The following DOCK4 variants were observed in gnomAD, a reference collection of about 807,000 sequenced individuals.
DOCK4 encodes dedicator of cytokinesis 4, also known as dedicator of cytokinesis protein 4.
Under a neutral mutation model 268.1 loss-of-function variants are expected in DOCK4, and 97 were observed. That is an observed-to-expected ratio of 0.36 (90% CI 0.31 to 0.43). The LOEUF is 0.43. Among genes scored for constraint, DOCK4 ranks in the 20% least tolerant of loss-of-function variants. The pLI is 1.00. For synonymous variants in DOCK4, 954 were observed against 887.2 expected, an observed-to-expected ratio of 1.08 and a Z score of -1.34; for missense variants, 2,145 against 2,455.7, an observed-to-expected ratio of 0.87 and a Z score of 2.67.
intron 1 of DOCK4, among the ~76,000 whole-genome samples, chr7:112,101,845 CTTTT>C (rs72188849): frequency 1.6e-4 from 24 of 146,340 alleles, no homozygotes; most frequent in Admixed American, 2.1e-4. Context: ...TTTTCTTTTT[CTTTT>C]TTTTTTTTTT....
At chr7:112,175,165 G>A (rs545891510) in intron 1 of DOCK4, among the ~76,000 whole-genome samples, 150 of 151,766 alleles carry the variant, frequency 9.9e-4, no homozygotes, top group African/African-American at 2.2e-3. Flanking sequence ...GCCCAGCCCC[G>A]TCCCCTGGAA....
intron 1 of DOCK4, among the ~76,000 whole-genome samples, chr7:112,098,847 G>A (rs1336924417): frequency 6.6e-6 from 1 of 151,318 alleles, no homozygotes; most frequent in Admixed American, 6.6e-5. Flanking sequence ...TATCTCATGA[G>A]CATAATTTAA....
At chr7:111,982,058 C>T (rs1468221281) in intron 7 of DOCK4, among the ~76,000 whole-genome samples, 2 of 152,152 alleles carry the variant, frequency 1.3e-5, no homozygotes, top group Non-Finnish European at 2.9e-5. Context: ...TAAGCTCTGC[C>T]AATGAGATGT....
chr7:111,872,287 A>G lies in DOCK4; in HGVS notation c.1908T>C (p.Ser636=). The change falls in exon 19 of 53, where the codon TCT becomes TCC. Residue 636 remains serine, a synonymous_variant. Coordinates refer to ENST00000428084, the MANE Select transcript of DOCK4 (RefSeq NM_001363540.2). ...AACTTACCAAAGAATCAAACACTTT[A>G]GACCCATATTTTTGGGAATTTTCAT... is the stretch of plus-strand genomic sequence containing the variant. ...ILDENSQKYG[S]KVFDSLVHII... 2 of 1,557,092 alleles carry G rather than the reference A, an allele frequency of 1.3e-6. No individual in the cohort carries two copies. Among genetic ancestry groups the G allele is most frequent in the East Asian group, 4.7e-5 (2 of 42,792 alleles).
At chr7:111,938,342 TCC>T (rs1282870168) in intron 11 of DOCK4, among the ~76,000 whole-genome samples, 5 of 152,214 alleles carry the variant, frequency 3.3e-5, no homozygotes, top group Non-Finnish European at 5.9e-5. Flanking sequence ...TAAGTATATG[TCC>T]CATAGGCAGT....
intron 12 of DOCK4, among the ~76,000 whole-genome samples, chr7:111,935,138 G>A (rs928616229): frequency 2.6e-5 from 4 of 151,220 alleles, no homozygotes; most frequent in Admixed American, 2.6e-4. Context: ...AGTAGAGACG[G>A]GGTTTCACTG....
At chr7:111,923,492 C>A (rs1392393186) in intron 12 of DOCK4, among the ~76,000 whole-genome samples, 1 of 152,184 alleles carries the variant, frequency 6.6e-6, no homozygotes, top group East Asian at 1.9e-4. Context: ...TGGTGTTCTG[C>A]AGTTTCACCA....
At chr7:112,150,385 G>A (rs1296531556) in intron 1 of DOCK4, among the ~76,000 whole-genome samples, 1 of 152,106 alleles carries the variant, frequency 6.6e-6, no homozygotes, top group African/African-American at 2.4e-5. Flanking sequence ...GCACTTGTCT[G>A]CCAACATGCC....
At chr7:112,074,990 C>G (rs1337858870) in intron 1 of DOCK4, among the ~76,000 whole-genome samples, 1 of 152,202 alleles carries the variant, frequency 6.6e-6, no homozygotes, top group Non-Finnish European at 1.5e-5. Flanking sequence ...CCTGCCTTGT[C>G]AGTTGCCTAA....
At chr7:111,971,510 G>T in intron 8 of DOCK4, 1 of 195,002 alleles carries the variant, frequency 5.1e-6, no homozygotes, top group Non-Finnish European at 1.1e-5. Context: ...AGGGCAGGCA[G>T]GAAGACGATT....
intron 16 of DOCK4, among the ~76,000 whole-genome samples, chr7:111,882,144 A>T (rs1299456142): frequency 6.6e-6 from 1 of 152,224 alleles, no homozygotes; most frequent in Non-Finnish European, 1.5e-5. Context: ...CCATGATGTG[A>T]TTATTATGCA....
intron 17 of DOCK4, among the ~76,000 whole-genome samples, chr7:111,876,583 G>T (rs1307473934): frequency 6.6e-6 from 1 of 152,120 alleles, no homozygotes; most frequent in Non-Finnish European, 1.5e-5. Flanking sequence ...AGAAGAGCTT[G>T]CTTTATTAAT....
chr7:112,082,574 G>A (rs1372905449), intron 1 of DOCK4, among the ~76,000 whole-genome samples: 1 of 152,088 alleles, frequency 6.6e-6, no homozygotes, highest in Non-Finnish European at 1.5e-5. Context: ...TTCTCTTCCT[G>A]TAAGAAACCG....
chr7:112,184,649 G>C (rs575874604), intron 1 of DOCK4, among the ~76,000 whole-genome samples: 2 of 152,062 alleles, frequency 1.3e-5, no homozygotes, highest in Admixed American at 6.5e-5. Context: ...ACTCCTTCCT[G>C]ACAGAGAGTC....
intron 30 of DOCK4, among the ~76,000 whole-genome samples, chr7:111,795,107 T>TG (rs1361134013): frequency 6.6e-6 from 1 of 152,056 alleles, no homozygotes; most frequent in African/African-American, 2.4e-5. Flanking sequence ...GTGGTTGGGA[T>TG]GGGGTTGGGG....
chr7:111,799,390 C>T (rs1055339334), intron 30 of DOCK4, among the ~76,000 whole-genome samples: 7 of 152,168 alleles, frequency 4.6e-5, no homozygotes, highest in African/African-American at 1.7e-4. Flanking sequence ...GAAGCCCAAC[C>T]CCAGAAAACA....
intron 1 of DOCK4, among the ~76,000 whole-genome samples, chr7:112,141,077 C>A (rs756553643): frequency 6.6e-5 from 10 of 152,206 alleles, no homozygotes; most frequent in Non-Finnish European, 2.9e-5. Flanking sequence ...ATCTCTGGCA[C>A]CCTCTATTCC....
intron 10 of DOCK4, among the ~76,000 whole-genome samples, chr7:111,941,786 AGAAAAAAAACTGTAGG>A (rs1379950139): frequency 6.6e-6 from 1 of 152,194 alleles, no homozygotes; most frequent in Non-Finnish European, 1.5e-5. Flanking sequence ...GCTGCACTAA[AGAAAAAAAACTGTAGG>A]GGACAGAAGG....
chr7:112,166,282 T>C (rs1453549878), intron 1 of DOCK4, among the ~76,000 whole-genome samples: 1 of 152,124 alleles, frequency 6.6e-6, no homozygotes, highest in Admixed American at 6.5e-5. Flanking sequence ...AGAAAAAACA[T>C]GCTCTTGGGG....
Sources: gnomAD v4.1 joint callset for allele counts (sites outside exome capture counted in the v4.1 genomes callset) on GRCh38, gnomAD v4.1.1 for gene constraint, MANE v1.5 for transcripts, NCBI Gene and HGNC (gene_info 2026-07-23, HGNC 2026-07-21) for gene names.